Variants in CYP2C8 observed in about 807,000 individuals in gnomAD.
CYP2C8 encodes cytochrome P450 family 2 subfamily C member 8, also known as cytochrome P450 2C8.
Under a neutral mutation model 41.3 loss-of-function variants are expected in CYP2C8, and 51 were observed. The ratio of observed to expected loss-of-function variants is 1.24; its 90% CI spans 0.99 to 1.56. The LOEUF (loss-of-function observed/expected upper bound fraction) is 1.56. CYP2C8 is among the 40% of genes most tolerant of loss of function. The pLI is 0.00. For missense variants in CYP2C8, 651 were observed against 579.9 expected, an observed-to-expected ratio of 1.12 and a Z score of -1.26; for synonymous variants, 218 against 205.8, an observed-to-expected ratio of 1.06 and a Z score of -0.51.
chr10:95,064,925 C>A lies in CYP2C8; in HGVS notation c.517G>T (p.Ala173Ser), dbSNP rs775466363. The part of the protein sequence containing the change: ...PCDPTFILGC[A>S]PCNVICSVVF... The stretch of plus-strand genomic sequence containing the variant: ...ACGGAGCAGATCACATTGCAGGGAG[C>A]ACAGCCCAGGATGAAAGTGGGATCA... The change falls in exon 4 of 9, where the codon GCT becomes TCT. Residue 173 changes from alanine to serine, a missense_variant. By Grantham distance (99) the Ala-to-Ser change is moderately conservative (BLOSUM62 1). Transcript: ENST00000371270. 5 of 1,609,558 alleles carry A rather than the reference C, an allele frequency of 3.1e-6. No individual in the cohort carries two copies. The highest frequency in any genetic ancestry group is 4.2e-6 in the Non-Finnish European group (5 of 1,178,406).
chr10:95,062,434 T>G (rs1232468052), intron 4 of CYP2C8, among the ~76,000 whole-genome samples: 1 of 152,194 alleles, frequency 6.6e-6, no homozygotes, highest in Non-Finnish European at 1.5e-5. Flanking sequence ...TGGTTTAAAG[T>G]CTGTTTTATC....
At chr10:95,062,589 TA>T in intron 4 of CYP2C8, among the ~76,000 whole-genome samples, 1 of 152,210 alleles carries the variant, frequency 6.6e-6, no homozygotes, top group East Asian at 1.9e-4. Context: ...CTTGACTCTT[TA>T]TCCAGTTTCC....
intron 5 of CYP2C8, among the ~76,000 whole-genome samples, chr10:95,052,008 T>C (rs1013024144): frequency 1.3e-5 from 2 of 151,754 alleles, no homozygotes; most frequent in Admixed American, 1.3e-4. Context: ...CAATACAAAA[T>C]ATTAACAAAG....
At chr10:95,061,643 G>C (rs1006194041) in intron 4 of CYP2C8, among the ~76,000 whole-genome samples, 1 of 152,062 alleles carries the variant, frequency 6.6e-6, no homozygotes, top group African/African-American at 2.4e-5. Flanking sequence ...ATTTCCTTCA[G>C]TTCTGCTCTG....
intron 4 of CYP2C8, among the ~76,000 whole-genome samples, chr10:95,063,623 C>A (rs1315922007): frequency 1.3e-5 from 2 of 152,198 alleles, no homozygotes; most frequent in South Asian, 2.1e-4. Flanking sequence ...TCATCTGAAG[C>A]CTTCTTCTCT....
intron 1 of CYP2C8, among the ~76,000 whole-genome samples, chr10:95,068,073 T>A (rs1265309497): frequency 6.6e-6 from 1 of 152,234 alleles, no homozygotes; most frequent in African/African-American, 2.4e-5. Flanking sequence ...TTTAAACTGA[T>A]GCTTGAGCAA....
intron 4 of CYP2C8, among the ~76,000 whole-genome samples, chr10:95,059,726 T>A (rs1223377153): frequency 9.9e-5 from 15 of 152,232 alleles, no homozygotes; most frequent in Admixed American, 6.5e-5. Context: ...CCCATGCCTA[T>A]GTCCTGAATG....
intron 7 of CYP2C8, among the ~76,000 whole-genome samples, chr10:95,041,574 G>T (rs1458295875): frequency 2.0e-5 from 3 of 151,668 alleles, no homozygotes; most frequent in Non-Finnish European, 4.4e-5. Flanking sequence ...GAGGTCAGGA[G>T]ATCGAGACCA....
In CYP2C8 at chr10:95,037,249, G is replaced by A; in HGVS notation, c.1352C>T (p.Thr451Ile). The change falls in exon 9 of 9, where the codon ACA (threonine) becomes ATA (isoleucine). Residue 451 changes from threonine to isoleucine, a missense_variant. Coordinates refer to ENST00000371270, the MANE Select transcript of CYP2C8 (RefSeq NM_000770.3). ...ARMELFLFLT[T>I]ILQNFNLKSV... ...TTTCAGGTTAAAGTTCTGTAAAATT[G>A]TGGTTAGAAATAAAAATAGCTCCAT... 4.3e-6 allele frequency: 7 copies of A among 1,613,842 alleles called. No individual in the cohort carries two copies. The highest frequency in any genetic ancestry group is 5.1e-6 in the Non-Finnish European group (6 of 1,179,850).
At chr10:95,053,481 G>T (rs1489801123) in intron 5 of CYP2C8, among the ~76,000 whole-genome samples, 1 of 152,082 alleles carries the variant, frequency 6.6e-6, no homozygotes, top group East Asian at 1.9e-4. Flanking sequence ...GTTTATTGCA[G>T]CACTATTTAC....
At chr10:95,064,537 G>A (rs1301619034) in intron 4 of CYP2C8, among the ~76,000 whole-genome samples, 1 of 152,126 alleles carries the variant, frequency 6.6e-6, no homozygotes, top group Non-Finnish European at 1.5e-5. Flanking sequence ...TCACAGCTTT[G>A]CTTGGCTAGG....
Position 95,069,307 on chromosome 10 carries a change from G to A in CYP2C8, c.96C>T (p.Gly32=), listed in dbSNP as rs763836329. The A allele has an allele frequency of 8.7e-6, 14 of 1,613,982 alleles. 1 individual carries two copies. The highest frequency in any genetic ancestry group is 3.3e-5 in the Admixed American group (2 of 59,986). Residue 32 remains glycine, a synonymous_variant, in exon 1 of 9, where the codon GGC becomes GGT. Transcript: ENST00000371270. ...TTCCAATAATAGGAAGAGGAGTGGG[G>A]CCAGGAGGGAGCTTCCTTCTCCTAC... ...QSCRRRKLPP[G]PTPLPIIGNM...
At chr10:95,068,571 T>A in intron 1 of CYP2C8, 2 of 1,285,546 alleles carry the variant, frequency 1.6e-6, no homozygotes, top group Non-Finnish European at 2.0e-6. Context: ...ACTTATTGGA[T>A]GAAATTTCTA....
chr10:95,061,006 G>A (rs2033416579), intron 4 of CYP2C8, among the ~76,000 whole-genome samples: 1 of 152,148 alleles, frequency 6.6e-6, no homozygotes, highest in South Asian at 2.1e-4. Flanking sequence ...CTTGATCGTG[G>A]TGGATAAGCT....
intron 5 of CYP2C8, among the ~76,000 whole-genome samples, chr10:95,047,978 G>A (rs1488947339): frequency 2.0e-5 from 3 of 152,192 alleles, no homozygotes; most frequent in Non-Finnish European, 4.4e-5. Context: ...AGGCAAGGAA[G>A]GTCACCTTGA....
chr10:95,037,622 A>C (rs1339860069), intron 8 of CYP2C8, among the ~76,000 whole-genome samples: 1 of 152,212 alleles, frequency 6.6e-6, no homozygotes, highest in African/African-American at 2.4e-5. Flanking sequence ...TCCCACATTA[A>C]AACAGCTCTT....
At chr10:95,041,146 C>T (rs2032986588) in intron 7 of CYP2C8, among the ~76,000 whole-genome samples, 1 of 152,108 alleles carries the variant, frequency 6.6e-6, no homozygotes. Context: ...GATAAAATTG[C>T]ACACACATTC....
intron 4 of CYP2C8, among the ~76,000 whole-genome samples, chr10:95,062,722 T>A (rs1035473119): frequency 3.3e-5 from 5 of 152,218 alleles, no homozygotes; most frequent in African/African-American, 4.8e-5. Flanking sequence ...GTTGATGCAG[T>A]TTCTTCCGAG....
chr10:95,048,244 T>C (rs1343860784), intron 5 of CYP2C8, among the ~76,000 whole-genome samples: 1 of 152,240 alleles, frequency 6.6e-6, no homozygotes, highest in African/African-American at 2.4e-5. Context: ...CTCTTCCTTC[T>C]GAGGATAATT....
Sources: allele counts gnomAD v4.1 joint callset (sites outside exome capture counted in the v4.1 genomes callset), GRCh38; gene constraint gnomAD v4.1.1; transcripts MANE v1.5; gene names NCBI Gene and HGNC (gene_info 2026-07-23, HGNC 2026-07-21).